The following PCDHGA2 variants were observed in gnomAD, a reference collection of about 807,000 sequenced individuals.
PCDHGA2 encodes the protein protocadherin gamma subfamily A, 2.
A neutral mutation model predicts 59.2 loss-of-function variants in PCDHGA2; 40 were observed. That is an observed-to-expected ratio of 0.68 (90% CI 0.52 to 0.88). The LOEUF is 0.88. PCDHGA2 is among the 40% of genes least tolerant of loss of function. The pLI is 0.00. For synonymous variants in PCDHGA2, 560 were observed against 526.0 expected (o/e 1.06, Z -0.89); for missense variants, 1,226 against 1,204.0 (o/e 1.02, Z -0.27).
At position 141,489,380 on chromosome 5, in the gene PCDHGA2, A is replaced by G. The variant is rs753226956; in HGVS notation, c.2425-5427A>G. ...TCTGAGCCGGGGACGCTGGTGGGGA[A>G]TGTTGCTCAGGATCTGGGCTTAAAG... is the stretch of plus-strand genomic sequence containing the variant. On this transcript the variant is annotated intron_variant, in intron 1 of 3. Transcript: ENST00000394576. The surrounding 1 kb of genome is among the most constrained non-coding windows in gnomAD (Gnocchi z 4.5). The G allele has an allele frequency of 1.9e-6, 3 of 1,613,874 alleles. No individual in the cohort carries two copies. Among genetic ancestry groups the G allele is most frequent in the Admixed American group, 1.7e-5 (1 of 60,026 alleles).
chr5:141,374,455 G>T, intron 1 of PCDHGA2: 2 of 1,613,610 alleles, frequency 1.2e-6, no homozygotes, highest in Non-Finnish European at 1.7e-6. Context: ...TGGAAATAGT[G>T]GACATTAATG....
chr5:141,383,924 A>T (rs1215078494), intron 1 of PCDHGA2: 1 of 1,613,832 alleles, frequency 6.2e-7, no homozygotes, highest in Non-Finnish European at 8.5e-7. Context: ...GATGTAAATG[A>T]TAATGCTCCA....
In PCDHGA2 at chr5:141,387,729, A is replaced by C. The variant is rs536775462; in HGVS notation, c.2424+46334A>C. ...GCCCCAGCTCAGACTCCCCAGCGCC[A>C]GCCTTTACACCGCTTCCTCCTCGGA... On this transcript the variant is annotated intron_variant, in intron 1 of 3. Coordinates refer to ENST00000394576, the MANE Select transcript of PCDHGA2 (RefSeq NM_018915.4). The C allele has an allele frequency of 4.9e-6, 6 of 1,227,140 alleles. No individual in the cohort carries two copies. The African/African-American group carries it at 7.6e-5, about 16-fold the overall frequency. The allele number at this position is 1,227,140 out of a possible 1,614,324, so 76.0% of individuals were successfully genotyped here.
At chr5:141,410,004 ACGCCTGGCTGTC>A in intron 1 of PCDHGA2, 1 of 1,613,154 alleles carries the variant, frequency 6.2e-7, no homozygotes, top group Non-Finnish European at 8.5e-7. Flanking sequence ...TCGGGACACA[ACGCCTGGCTGTC>A]CTACCACGTG....
chr5:141,415,649 A>G (rs1179309556), intron 1 of PCDHGA2: 1 of 1,597,606 alleles, frequency 6.3e-7, no homozygotes, highest in Non-Finnish European at 8.5e-7. Context: ...GTTAAAAAAA[A>G]AAAGATTGGT....
chr5:141,486,444 T>G lies in PCDHGA2; in HGVS notation c.2425-8363T>G. 1 of 1,614,086 alleles carries G rather than the reference T, an allele frequency of 6.2e-7. No homozygotes were observed. Among genetic ancestry groups the G allele is most frequent in the Non-Finnish European group, 8.5e-7 (1 of 1,179,930 alleles). ...GAGGCCAAATCTAGCTATGACATCA[T>G]GGTCACTGCTTCTGATGCTGGGAAC... On this transcript the variant is annotated intron_variant, in intron 1 of 3. Coordinates refer to ENST00000394576, the MANE Select transcript of PCDHGA2 (RefSeq NM_018915.4). The surrounding 1 kb of genome is among the most constrained non-coding windows in gnomAD (Gnocchi z 5.0).
chr5:141,360,944 A>T, intron 1 of PCDHGA2: 1 of 1,613,990 alleles, frequency 6.2e-7, no homozygotes, highest in East Asian at 2.2e-5. Flanking sequence ...ACCGACCGGG[A>T]TGAAGGCATA....
chr5:141,345,433 G>T (rs1297529679), intron 1 of PCDHGA2: 1 of 1,613,934 alleles, frequency 6.2e-7, no homozygotes, highest in African/African-American at 1.3e-5. Flanking sequence ...AACAACCCCA[G>T]AGGAGCCTCC....
rs532216579 is a variant in PCDHGA2, at chr5:141,419,369, T to G, written c.2425-75438T>G. 631 of 1,613,750 alleles carry G rather than the reference T, an allele frequency of 3.9e-4. 5 individuals carry two copies. In the East Asian group the frequency reaches 0.013, roughly 33 times the overall value. On this transcript the variant is annotated intron_variant, in intron 1 of 3. Coordinates refer to ENST00000394576, the MANE Select transcript of PCDHGA2 (RefSeq NM_018915.4). ...CCTGGAGTCACGAACGCTGTCGTCC[T>G]ACGTGTCCGTGAGCGCGCAGAGCGG...
intron 3 of PCDHGA2, among the ~76,000 whole-genome samples, chr5:141,509,962 C>A (rs1186902807): frequency 2.0e-5 from 3 of 152,206 alleles, no homozygotes. Context: ...CGGGTATGGC[C>A]TTGGTCCTTC....
Position 141,423,286 on chromosome 5 carries a change from ACCT to A in PCDHGA2, c.2425-71519_2425-71517del, listed in dbSNP as rs554024395. 8.7e-3 allele frequency: 13,966 copies of A among 1,613,746 alleles called. 98 individuals are homozygous for A. The highest frequency in any genetic ancestry group is 0.011 in the Middle Eastern group (68 of 6,062). ...CCTCGAGTCTCTGGCTAACTCTGAAACCTCAGACCTCTCGCTGTACTTGGTGGT... is the reference window on the plus strand; with the variant it reads ...CCTCGAGTCTCTGGCTAACTCTGAAACAGACCTCTCGCTGTACTTGGTGGT... On this transcript the variant is annotated intron_variant, in intron 1 of 3. Transcript: ENST00000394576.
At chr5:141,454,774 G>A (rs1228452126) in intron 1 of PCDHGA2, among the ~76,000 whole-genome samples, 2 of 144,796 alleles carry the variant, frequency 1.4e-5, no homozygotes, top group African/African-American at 2.6e-5. Context: ...TTTTTACAAG[G>A]AAATAATCCT....
At chr5:141,457,953 C>G (rs12188170) in intron 1 of PCDHGA2, among the ~76,000 whole-genome samples, 6,291 of 152,286 alleles carry the variant, frequency 0.041, 196 homozygotes, top group Admixed American at 0.075. Context: ...GCATGTCAAG[C>G]TTGATTCCTT....
intron 1 of PCDHGA2, among the ~76,000 whole-genome samples, chr5:141,459,111 A>G (rs2098961190): frequency 1.3e-5 from 2 of 152,218 alleles, no homozygotes; most frequent in Non-Finnish European, 2.9e-5. Flanking sequence ...CATTTTGACA[A>G]TTGTTTACAT....
chr5:141,494,198 C>T (rs1383940298), intron 1 of PCDHGA2, among the ~76,000 whole-genome samples: 8 of 152,158 alleles, frequency 5.3e-5, no homozygotes, highest in African/African-American at 1.7e-4. Context: ...TTGGATGCCC[C>T]GCAAAGGCCC....
At chr5:141,426,665 T>A in intron 1 of PCDHGA2, 1 of 429,940 alleles carries the variant, frequency 2.3e-6, no homozygotes, top group South Asian at 1.6e-5. Context: ...ATATAAATGA[T>A]AACCCACCTC....
chr5:141,462,161 T>G (rs1592764918), intron 1 of PCDHGA2, among the ~76,000 whole-genome samples: 1 of 152,148 alleles, frequency 6.6e-6, no homozygotes, highest in Non-Finnish European at 1.5e-5. Flanking sequence ...GGTTTCATCA[T>G]GTTGGCCAGG....
chr5:141,469,155 A>C (rs1342352040), intron 1 of PCDHGA2, among the ~76,000 whole-genome samples: 3 of 152,108 alleles, frequency 2.0e-5, no homozygotes, highest in Admixed American at 1.3e-4. Context: ...ACATGTCTGT[A>C]GTCCCAGCTA....
intron 1 of PCDHGA2, chr5:141,342,442 T>A (rs1757162302): frequency 6.6e-6 from 1 of 152,214 alleles, no homozygotes. Context: ...TGGCATCATT[T>A]TTTATTTTTA....
Sources: gnomAD v4.1 joint callset for allele counts (sites outside exome capture counted in the v4.1 genomes callset) on GRCh38, gnomAD v4.1.1 for gene constraint, Gnocchi (gnomAD v3.1) non-coding constraint, MANE v1.5 for transcripts, NCBI Gene and HGNC (gene_info 2026-07-23, HGNC 2026-07-21) for gene names.